Variants in VPS13B observed in about 807,000 individuals in gnomAD.
VPS13B encodes vacuolar protein sorting 13 homolog B, also known as intermembrane lipid transfer protein VPS13B.
VPS13B carries 285 observed loss-of-function variants against 426.4 expected under a neutral mutation model. That is an observed-to-expected ratio of 0.67 (90% CI 0.61 to 0.74). The LOEUF is 0.74. Among genes scored for constraint, VPS13B ranks in the 30% least tolerant of loss-of-function variants. The probability of loss-of-function intolerance (pLI) is 0.00; values close to 1 mark genes in which losing one functional copy is unlikely to be tolerated. For missense variants in VPS13B, 4,537 were observed against 4,782.6 expected (o/e 0.95, Z 1.51); for synonymous variants, 1,676 against 1,676.4 (o/e 1.00, Z 0.01).
chr8:99,233,673 T>A, intron 17 of VPS13B: 1 of 832,142 alleles, frequency 1.2e-6, no homozygotes, highest in Non-Finnish European at 2.1e-6. Flanking sequence ...TTCACAGTGA[T>A]GGTTCTTTCC....
At chr8:99,323,155 A>G (rs1810068872) in intron 19 of VPS13B, among the ~76,000 whole-genome samples, 1 of 152,170 alleles carries the variant, frequency 6.6e-6, no homozygotes, top group African/African-American at 2.4e-5. Flanking sequence ...TTTAATAGAT[A>G]CGTGTTCACT....
intron 3 of VPS13B, among the ~76,000 whole-genome samples, chr8:99,062,808 A>C (rs1031277857): frequency 6.6e-6 from 1 of 152,190 alleles, no homozygotes; most frequent in Non-Finnish European, 1.5e-5. Flanking sequence ...ATAAGAATAC[A>C]TTATTCTCTT....
intron 3 of VPS13B, among the ~76,000 whole-genome samples, chr8:99,092,385 G>C (rs1846198201): frequency 6.6e-6 from 1 of 152,134 alleles, no homozygotes; most frequent in African/African-American, 2.4e-5. Context: ...TGGTGTTAAA[G>C]ATTATCTTAA....
At chr8:99,263,369 C>T (rs1480596953) in intron 17 of VPS13B, among the ~76,000 whole-genome samples, 3 of 152,092 alleles carry the variant, frequency 2.0e-5, no homozygotes, top group Non-Finnish European at 4.4e-5. Flanking sequence ...TATTAGTTTT[C>T]TATTGCTGCT....
chr8:99,801,500 C>T (rs1483703516), intron 43 of VPS13B, among the ~76,000 whole-genome samples: 1 of 152,120 alleles, frequency 6.6e-6, no homozygotes, highest in Non-Finnish European at 1.5e-5. Flanking sequence ...GAACTACTCC[C>T]TCCCTGGTTG....
At chr8:99,378,641 G>T (rs1359121746) in intron 19 of VPS13B, among the ~76,000 whole-genome samples, 1 of 152,160 alleles carries the variant, frequency 6.6e-6, no homozygotes, top group East Asian at 1.9e-4. Flanking sequence ...TCTTCCATCA[G>T]GGTTTCAGCA....
intron 19 of VPS13B, among the ~76,000 whole-genome samples, chr8:99,333,740 T>C (rs1404856980): frequency 6.6e-6 from 1 of 151,952 alleles, no homozygotes. Flanking sequence ...TCCAATTTTG[T>C]CATTTCAAGA....
chr8:99,495,592 T>C (rs1334224669), intron 25 of VPS13B, among the ~76,000 whole-genome samples: 1 of 152,184 alleles, frequency 6.6e-6, no homozygotes, highest in Non-Finnish European at 1.5e-5. Flanking sequence ...ATTTTATGTG[T>C]TTGCTTCTCT....
intron 17 of VPS13B, among the ~76,000 whole-genome samples, chr8:99,258,274 T>G (rs1441086557): frequency 1.3e-5 from 2 of 151,972 alleles, no homozygotes; most frequent in African/African-American, 4.8e-5. Context: ...GGCATTTTGT[T>G]TTTTTTCTCA....
intron 24 of VPS13B, among the ~76,000 whole-genome samples, chr8:99,475,408 A>G (rs1819636489): frequency 6.6e-6 from 1 of 152,186 alleles, no homozygotes; most frequent in African/African-American, 2.4e-5. Context: ...AGGAAAGATA[A>G]TTGTAGCTGT....
intron 39 of VPS13B, among the ~76,000 whole-genome samples, chr8:99,751,934 A>C (rs1210453259): frequency 6.6e-6 from 1 of 152,202 alleles, no homozygotes; most frequent in Non-Finnish European, 1.5e-5. Context: ...ATTATAGTAG[A>C]GGACTCTGAT....
At chr8:99,845,600 GCTT>G (rs1237992589) in intron 54 of VPS13B, among the ~76,000 whole-genome samples, 1 of 152,196 alleles carries the variant, frequency 6.6e-6, no homozygotes, top group Non-Finnish European at 1.5e-5. Context: ...GCTGTATCAA[GCTT>G]CTTACTTGCT....
At chr8:99,744,285 G>A (rs573982222) in intron 39 of VPS13B, among the ~76,000 whole-genome samples, 15 of 152,324 alleles carry the variant, frequency 9.8e-5, no homozygotes, top group Middle Eastern at 3.4e-3. Flanking sequence ...TCTCACACCA[G>A]CTAGAATGGT....
chr8:99,153,856 A>G (rs112237141), intron 14 of VPS13B, among the ~76,000 whole-genome samples: 2,525 of 152,016 alleles, frequency 0.017, 38 homozygotes, highest in East Asian at 0.09. Flanking sequence ...TAACACATCT[A>G]GTAAGGCAGA....
At chr8:99,496,036 A>G (rs1366149018) in intron 25 of VPS13B, among the ~76,000 whole-genome samples, 2 of 152,176 alleles carry the variant, frequency 1.3e-5, no homozygotes, top group African/African-American at 4.8e-5. Flanking sequence ...GCGTATAAAC[A>G]TAATTCCAAA....
intron 2 of VPS13B, among the ~76,000 whole-genome samples, chr8:99,031,658 G>A (rs766619540): frequency 6.6e-6 from 1 of 152,114 alleles, no homozygotes; most frequent in African/African-American, 2.4e-5. Flanking sequence ...TTCTTCACCC[G>A]TCATCAATAT....
intron 43 of VPS13B, among the ~76,000 whole-genome samples, chr8:99,787,888 G>A (rs1028978823): frequency 2.0e-5 from 3 of 151,964 alleles, no homozygotes; most frequent in African/African-American, 7.2e-5. Flanking sequence ...TATAATTTAT[G>A]GGTTATGCAT....
chr8:99,035,337 C>A (rs2132211960), intron 2 of VPS13B, among the ~76,000 whole-genome samples: 1 of 152,226 alleles, frequency 6.6e-6, no homozygotes, highest in Non-Finnish European at 1.5e-5. Context: ...TTTACCTTTC[C>A]CCTGCCCCAG....
intron 2 of VPS13B, among the ~76,000 whole-genome samples, chr8:99,022,635 C>T (rs1046647419): frequency 7.2e-5 from 11 of 152,164 alleles, no homozygotes; most frequent in African/African-American, 2.6e-4. Context: ...CATTAGAGTT[C>T]TTCAAATCTT....
Sources: gnomAD v4.1 joint callset for allele counts (sites outside exome capture counted in the v4.1 genomes callset) on GRCh38, gnomAD v4.1.1 for gene constraint, MANE v1.5 for transcripts, NCBI Gene and HGNC (gene_info 2026-07-23, HGNC 2026-07-21) for gene names.